The following DAB1 variants were observed in gnomAD, a reference collection of about 807,000 sequenced individuals.
DAB1 encodes DAB adaptor protein 1.
In DAB1, 15 loss-of-function variants were observed where a neutral mutation model predicts 64.6. The ratio of observed to expected loss-of-function variants is 0.23; its 90% CI spans 0.16 to 0.36. The LOEUF is 0.36. DAB1 is among the 10% of genes least tolerant of loss of function. DAB1 has a pLI of 1.00. For missense variants in DAB1, 596 were observed against 706.7 expected, an observed-to-expected ratio of 0.84 and a Z score of 1.78; for synonymous variants, 235 against 251.9, an observed-to-expected ratio of 0.93 and a Z score of 0.64.
intron 5 of DAB1, among the ~76,000 whole-genome samples, chr1:58,102,009 G>A (rs1418049403): frequency 6.6e-6 from 1 of 152,232 alleles, no homozygotes; most frequent in Non-Finnish European, 1.5e-5. Context: ...CTACACAGCA[G>A]TAGCAGGTAT....
At chr1:57,336,066 C>A (rs562408432) in intron 1 of DAB1, among the ~76,000 whole-genome samples, 1 of 152,232 alleles carries the variant, frequency 6.6e-6, no homozygotes, top group Non-Finnish European at 1.5e-5. Flanking sequence ...ATGGCATTAA[C>A]GCAGTTGTGC....
chr1:58,475,477 AACAC>A lies in DAB1; in HGVS notation n.257+30579_257+30582del, dbSNP rs112408529. 4.8e-4 allele frequency among the ~76,000 whole-genome samples: 71 copies of A among 148,226 alleles called. No homozygotes were observed. The East Asian group carries it at 9.5e-3, about 20-fold the overall frequency. ...GTGCCTGGCTGAATTAGGTTAATTAAACACACACACACACACACACACACACACG... is the reference window on the plus strand; with the variant it reads ...GTGCCTGGCTGAATTAGGTTAATTAAACACACACACACACACACACACACG... On this transcript the variant is annotated intron_variant and non_coding_transcript_variant, in intron 3 of 20. Coordinates refer to the DAB1 transcript ENST00000485760.
chr1:58,238,603 CCT>C (rs1448457333), intron 4 of DAB1, among the ~76,000 whole-genome samples: 1 of 152,054 alleles, frequency 6.6e-6, no homozygotes, highest in African/African-American at 2.4e-5. Flanking sequence ...CATTGTGCCC[CCT>C]GAGGATTAGT....
intron 3 of DAB1, among the ~76,000 whole-genome samples, chr1:58,472,824 C>G (rs929611639): frequency 1.3e-5 from 2 of 152,296 alleles, no homozygotes; most frequent in African/African-American, 4.8e-5. Context: ...AAGAAGAGAT[C>G]CTGCTCTCAG....
chr1:57,379,222 A>G (rs1375813059), intron 1 of DAB1, among the ~76,000 whole-genome samples: 2 of 152,306 alleles, frequency 1.3e-5, no homozygotes, highest in East Asian at 3.9e-4. Context: ...GTGTGAGATC[A>G]CATAGGTCTC....
chr1:57,845,894 C>T (rs2144758), intron 1 of DAB1, among the ~76,000 whole-genome samples: 389 of 152,288 alleles, frequency 2.6e-3, no homozygotes, highest in Non-Finnish European at 4.8e-3. Context: ...AATGAAAACC[C>T]TTCAAATATT....
At chr1:57,003,691 C>G (rs1645956670) in intron 14 of DAB1, among the ~76,000 whole-genome samples, 1 of 152,136 alleles carries the variant, frequency 6.6e-6, no homozygotes, top group Admixed American at 6.5e-5. Flanking sequence ...AATTAACTCC[C>G]CATTCATTCC....
intron 5 of DAB1, among the ~76,000 whole-genome samples, chr1:58,040,092 G>A (rs1004002919): frequency 6.6e-6 from 1 of 152,050 alleles, no homozygotes; most frequent in Non-Finnish European, 1.5e-5. Context: ...AATTGATAGG[G>A]CACGATAGTA....
At chr1:58,028,432 T>G (rs1646925930) in intron 5 of DAB1, among the ~76,000 whole-genome samples, 1 of 152,176 alleles carries the variant, frequency 6.6e-6, no homozygotes, top group Admixed American at 6.5e-5. Context: ...GCATACCCCA[T>G]GTGTTTTATG....
chr1:58,095,298 A>G (rs956264247), intron 5 of DAB1, among the ~76,000 whole-genome samples: 1 of 152,196 alleles, frequency 6.6e-6, no homozygotes, highest in Admixed American at 6.5e-5. Flanking sequence ...AGTGTTGACT[A>G]TGTTCCAGGA....
At chr1:57,539,123 G>C (rs1429459443) in intron 7 of DAB1, among the ~76,000 whole-genome samples, 1 of 152,178 alleles carries the variant, frequency 6.6e-6, no homozygotes, top group Non-Finnish European at 1.5e-5. Flanking sequence ...AGGAAGCACT[G>C]GGAAGAATCA....
At chr1:58,000,564 CTTTTTTTTTTT>C (rs869176789) in intron 5 of DAB1, among the ~76,000 whole-genome samples, 2 of 95,740 alleles carry the variant, frequency 2.1e-5, no homozygotes, top group Non-Finnish European at 3.9e-5. Context: ...TCTTTTTTGC[CTTTTTTTTTTT>C]TTTTTTTTTT....
chr1:57,255,764 T>C (rs1328787193), intron 2 of DAB1, among the ~76,000 whole-genome samples: 3 of 152,206 alleles, frequency 2.0e-5, no homozygotes, highest in Admixed American at 2.0e-4. Flanking sequence ...ACTCACAAGG[T>C]CCTCTTACAG....
chr1:57,578,405 ATGGGCTTT>A (rs1645275275), intron 7 of DAB1, among the ~76,000 whole-genome samples: 1 of 152,232 alleles, frequency 6.6e-6, no homozygotes, highest in Non-Finnish European at 1.5e-5. Context: ...AAAAAGCTTC[ATGGGCTTT>A]GGAGTTACAG....
chr1:57,012,241 C>A (rs559620682), intron 12 of DAB1, among the ~76,000 whole-genome samples: 2 of 152,302 alleles, frequency 1.3e-5, no homozygotes, highest in East Asian at 3.9e-4. Context: ...ATACTTTTTA[C>A]TCTGATGAAT....
At chr1:57,742,514 T>C (rs554140045) in intron 6 of DAB1, among the ~76,000 whole-genome samples, 3 of 152,164 alleles carry the variant, frequency 2.0e-5, no homozygotes, top group South Asian at 4.2e-4. Flanking sequence ...AGTGACATGA[T>C]AAAGGAGGGC....
chr1:57,815,327 C>A (rs1254856574), intron 6 of DAB1, among the ~76,000 whole-genome samples: 4 of 152,128 alleles, frequency 2.6e-5, no homozygotes, highest in Non-Finnish European at 5.9e-5. Context: ...CTCAGCCTCC[C>A]AAAGTGCTGG....
rs192807062 is a variant in DAB1 at position 57,129,060 on chromosome 1, C to T, written c.306+7483G>A. ...TGAGCGCTTAGAGGATTGAGTTAAA[C>T]GAGGCCAAGCATGTAAAAGCAACTA... On this transcript the variant is annotated intron_variant, in intron 4 of 14. Coordinates refer to ENST00000371236, the MANE Select transcript of DAB1 (RefSeq NM_001365792.1). Among the ~76,000 whole-genome samples the T allele has an allele frequency of 1.6e-4, 25 of 152,208 alleles. No individual in the cohort carries two copies. In the East Asian group the frequency reaches 2.1e-3, roughly 13 times the overall value.
intron 4 of DAB1, among the ~76,000 whole-genome samples, chr1:58,313,102 A>T (rs1662467235): frequency 6.6e-6 from 1 of 152,006 alleles, no homozygotes; most frequent in Non-Finnish European, 1.5e-5. Flanking sequence ...TCCACTATGG[A>T]TTCTTCCAAT....
Sources: gnomAD v4.1 joint callset for allele counts (sites outside exome capture counted in the v4.1 genomes callset) on GRCh38, gnomAD v4.1.1 for gene constraint, MANE v1.5 for transcripts, NCBI Gene and HGNC (gene_info 2026-07-23, HGNC 2026-07-21) for gene names.